Variants in GPM6A observed in about 807,000 individuals in gnomAD.
The protein encoded by GPM6A is glycoprotein M6A, also known as neuronal membrane glycoprotein M6-a.
A neutral mutation model predicts 32.1 loss-of-function variants in GPM6A; 7 were observed. The ratio of observed to expected loss-of-function variants is 0.22; its 90% CI spans 0.12 to 0.41. The LOEUF is 0.41. Among genes scored for constraint, GPM6A ranks in the 10% least tolerant of loss-of-function variants. GPM6A has a pLI of 1.00. For missense variants in GPM6A, 235 were observed against 347.2 expected (o/e 0.68, Z 2.57); for synonymous variants, 130 against 123.4 (o/e 1.05, Z -0.35).
At chr4:175,821,087 G>A (rs1223205239) in intron 1 of GPM6A, among the ~76,000 whole-genome samples, 1 of 152,178 alleles carries the variant, frequency 6.6e-6, no homozygotes. Flanking sequence ...CAAAGTGCTT[G>A]TGCCAATTTA....
intron 1 of GPM6A, among the ~76,000 whole-genome samples, chr4:175,988,446 T>C (rs1464366209): frequency 6.6e-6 from 1 of 152,186 alleles, no homozygotes; most frequent in African/African-American, 2.4e-5. Context: ...ACATATTCAT[T>C]TTCACTAGGA....
chr4:175,852,959 AT>A (rs1328049107), intron 1 of GPM6A, among the ~76,000 whole-genome samples: 3 of 152,206 alleles, frequency 2.0e-5, no homozygotes, highest in African/African-American at 4.8e-5. Flanking sequence ...CAATAAATAT[AT>A]TTTTTTCATT....
chr4:175,838,116 C>CACACACACACACAG, intron 1 of GPM6A, among the ~76,000 whole-genome samples: 1 of 68,566 alleles, frequency 1.5e-5, no homozygotes, highest in Non-Finnish European at 3.6e-5. Context: ...CACACAGACA[C>CACACACACACACAG]ACACACACAC....
rs913030137 is a variant in GPM6A at position 175,966,568 on chromosome 4, A to G, written c.-23+35741T>C. Among the ~76,000 whole-genome samples, 13 of 151,978 alleles carry G rather than the reference A, an allele frequency of 8.6e-5. No homozygotes were observed. In the East Asian group the frequency reaches 2.5e-3, roughly 29 times the overall value. ...TCATGAATGGAATTAGTGCCCTTAT[A>G]ACAAGAGGTCAGAGAGCTAGGCAGC... On this transcript the variant is annotated intron_variant, in intron 1 of 7. Transcript: ENST00000280187.
intron 1 of GPM6A, among the ~76,000 whole-genome samples, chr4:175,985,471 A>G (rs1209166364): frequency 6.6e-6 from 1 of 152,174 alleles, no homozygotes; most frequent in Non-Finnish European, 1.5e-5. Flanking sequence ...ATTCTTGTAG[A>G]ATGTCTTTAT....
intron 4 of GPM6A, among the ~76,000 whole-genome samples, chr4:175,651,183 A>G (rs889598621): frequency 2.6e-5 from 4 of 152,174 alleles, no homozygotes; most frequent in Non-Finnish European, 4.4e-5. Flanking sequence ...TGTCATCTAC[A>G]AAAGAAGAAA....
intron 1 of GPM6A, among the ~76,000 whole-genome samples, chr4:175,765,035 A>G (rs900202428): frequency 2.6e-5 from 4 of 151,828 alleles, no homozygotes; most frequent in Admixed American, 2.0e-4. Context: ...CACCATGCCC[A>G]GCTAATTTTT....
At chr4:175,722,152 G>T (rs1167046301) in intron 1 of GPM6A, among the ~76,000 whole-genome samples, 1 of 151,846 alleles carries the variant, frequency 6.6e-6, no homozygotes, top group African/African-American at 2.4e-5. Context: ...CCTGGTGCGG[G>T]GGTGTGCACT....
At chr4:175,902,377 C>T (rs1737995204) in intron 1 of GPM6A, among the ~76,000 whole-genome samples, 1 of 152,068 alleles carries the variant, frequency 6.6e-6, no homozygotes. Flanking sequence ...AAAAGAGCAG[C>T]CTGAAAAATT....
chr4:175,658,051 G>A (rs1742186235), intron 3 of GPM6A, among the ~76,000 whole-genome samples: 1 of 152,126 alleles, frequency 6.6e-6, no homozygotes, highest in Non-Finnish European at 1.5e-5. Context: ...ATCGTTGTCA[G>A]CATTATAGCC....
chr4:175,759,634 A>C (rs1732662818), intron 1 of GPM6A, among the ~76,000 whole-genome samples: 1 of 152,222 alleles, frequency 6.6e-6, no homozygotes, highest in Non-Finnish European at 1.5e-5. Flanking sequence ...ATACAAATCT[A>C]TGAATGGTGG....
At chr4:175,786,237 G>A (rs148493773) in intron 1 of GPM6A, among the ~76,000 whole-genome samples, 171 of 151,842 alleles carry the variant, frequency 1.1e-3, no homozygotes, top group African/African-American at 3.7e-3. Context: ...AAAATCTCAG[G>A]TAGAGACACT....
In GPM6A at chr4:175,774,602, T is replaced by G. The variant is rs186150172; in HGVS notation, c.37+37589A>C. Among the ~76,000 whole-genome samples, 22 of 152,214 alleles carry G rather than the reference T, an allele frequency of 1.4e-4. No individual in the cohort carries two copies. In the East Asian group the frequency reaches 4.1e-3, roughly 28 times the overall value. ...ACTAAAAACAATCAGCCACTGAGTTTATTAGATAAAATAAGTCATGAATTT... is the reference window on the plus strand; with the variant it reads ...ACTAAAAACAATCAGCCACTGAGTTGATTAGATAAAATAAGTCATGAATTT... On this transcript the variant is annotated intron_variant, in intron 1 of 6. Transcript: ENST00000393658.
At chr4:175,989,693 ATAGT>A (rs1561025068) in intron 1 of GPM6A, among the ~76,000 whole-genome samples, 1 of 152,188 alleles carries the variant, frequency 6.6e-6, no homozygotes, top group Non-Finnish European at 1.5e-5. Flanking sequence ...GTTATAATCT[ATAGT>A]TAAATATGTT....
intron 1 of GPM6A, among the ~76,000 whole-genome samples, chr4:175,978,564 T>C (rs1740729659): frequency 6.6e-6 from 1 of 152,172 alleles, no homozygotes; most frequent in South Asian, 2.1e-4. Flanking sequence ...GAGAAATAAA[T>C]CACTTGTGTG....
intron 1 of GPM6A, among the ~76,000 whole-genome samples, chr4:175,938,250 A>C (rs1739299498): frequency 6.6e-6 from 1 of 152,196 alleles, no homozygotes. Flanking sequence ...TTCCCAACAC[A>C]TAGAAATAAC....
At chr4:175,694,577 T>A (rs911929529) in intron 2 of GPM6A, among the ~76,000 whole-genome samples, 21 of 152,152 alleles carry the variant, frequency 1.4e-4, no homozygotes, top group East Asian at 1.9e-4. Context: ...GCATTCAAGA[T>A]GTGACCTGGC....
In GPM6A at chr4:175,677,494, G is replaced by T. The variant is rs188631868; in HGVS notation, c.231-3658C>A. 1.6e-4 allele frequency among the ~76,000 whole-genome samples: 24 copies of T among 152,088 alleles called. 1 individual carries two copies. The East Asian group carries it at 4.4e-3, about 28-fold the overall frequency. ...TGGTAGACAAAAGTACAAATGAATG[G>T]GGGGGAAGAAAAAAAGAAATTTAAG... On this transcript the variant is annotated intron_variant, in intron 2 of 6. Transcript: ENST00000393658.
At chr4:175,944,775 A>G (rs1739533654) in intron 1 of GPM6A, among the ~76,000 whole-genome samples, 1 of 152,228 alleles carries the variant, frequency 6.6e-6, no homozygotes, top group Non-Finnish European at 1.5e-5. Flanking sequence ...CATGGACGAC[A>G]AATTCAGATT....
Sources: gnomAD v4.1 joint callset for allele counts (sites outside exome capture counted in the v4.1 genomes callset) on GRCh38, gnomAD v4.1.1 for gene constraint, MANE v1.5 for transcripts, NCBI Gene and HGNC (gene_info 2026-07-23, HGNC 2026-07-21) for gene names.